SSBP2: variants seen among roughly 807,000 people sequenced by gnomAD.
The protein encoded by SSBP2 is single stranded DNA binding protein 2, also known as single-stranded DNA-binding protein 2.
In SSBP2, 17 loss-of-function variants were observed where a neutral mutation model predicts 61.8. The ratio of observed to expected loss-of-function variants is 0.28; its 90% CI spans 0.19 to 0.41. The LOEUF (loss-of-function observed/expected upper bound fraction) is 0.41. Among genes scored for constraint, SSBP2 ranks in the 10% least tolerant of loss-of-function variants. The probability of loss-of-function intolerance (pLI) is 1.00; values close to 1 mark genes in which losing one functional copy is unlikely to be tolerated. For synonymous variants in SSBP2, 139 were observed against 141.3 expected (o/e 0.98, Z 0.12); for missense variants, 310 against 458.7 (o/e 0.68, Z 2.96).
intron 1 of SSBP2, among the ~76,000 whole-genome samples, chr5:81,711,296 C>T (rs1465124187): frequency 2.6e-5 from 4 of 152,024 alleles, no homozygotes; most frequent in Admixed American, 6.6e-5. Context: ...TGATTCTGCT[C>T]AATAAGTTAT....
intron 1 of SSBP2, among the ~76,000 whole-genome samples, chr5:81,731,787 A>C (rs2153993012): frequency 6.6e-6 from 1 of 151,580 alleles, no homozygotes; most frequent in Admixed American, 6.6e-5. Flanking sequence ...TGATAAGATA[A>C]ACCCCAAACA....
At chr5:81,468,039 G>A (rs983824291) in intron 8 of SSBP2, among the ~76,000 whole-genome samples, 3 of 151,882 alleles carry the variant, frequency 2.0e-5, no homozygotes, top group African/African-American at 7.2e-5. Context: ...GAACTTCATA[G>A]GATTTGTTTC....
chr5:81,670,994 T>A (rs1751541348), intron 1 of SSBP2, among the ~76,000 whole-genome samples: 1 of 152,206 alleles, frequency 6.6e-6, no homozygotes, highest in African/African-American at 2.4e-5. Flanking sequence ...ATTCTGAGTT[T>A]TTCTCATTGC....
chr5:81,597,389 G>A (rs918068765), intron 4 of SSBP2, among the ~76,000 whole-genome samples: 13 of 152,194 alleles, frequency 8.5e-5, no homozygotes, highest in African/African-American at 1.4e-4. Context: ...GAGAAATAGG[G>A]ACACTTTTAC....
At chr5:81,692,507 C>T (rs1263653350) in intron 1 of SSBP2, among the ~76,000 whole-genome samples, 1 of 152,054 alleles carries the variant, frequency 6.6e-6, no homozygotes, top group African/African-American at 2.4e-5. Flanking sequence ...AGAGAACATT[C>T]CTAATATTTA....
intron 1 of SSBP2, among the ~76,000 whole-genome samples, chr5:81,732,275 G>GA (rs1312763873): frequency 1.3e-5 from 2 of 152,058 alleles, no homozygotes; most frequent in African/African-American, 2.4e-5. Flanking sequence ...GGTATTCCAT[G>GA]ATCTATAATA....
chr5:81,694,546 T>A (rs1753461058), intron 1 of SSBP2, among the ~76,000 whole-genome samples: 1 of 152,164 alleles, frequency 6.6e-6, no homozygotes, highest in South Asian at 2.1e-4. Context: ...AGAAGTTTTT[T>A]TTTTCTATCC....
At chr5:81,447,872 A>G (rs1374010742) in intron 11 of SSBP2, 1 of 152,218 alleles carries the variant, frequency 6.6e-6, no homozygotes, top group Non-Finnish European at 1.5e-5. Context: ...TATTTCATAG[A>G]AAATGCAAAG....
chr5:81,663,995 G>C (rs886402547), intron 1 of SSBP2, among the ~76,000 whole-genome samples: 1 of 152,154 alleles, frequency 6.6e-6, no homozygotes, highest in African/African-American at 2.4e-5. Flanking sequence ...AGGTAGAGAA[G>C]AGACAGTAAA....
Position 81,517,500 on chromosome 5 carries a change from T to C in SSBP2, c.283-3783A>G, listed in dbSNP as rs187410041. Among the ~76,000 whole-genome samples, 668 of 151,972 alleles carry C rather than the reference T, an allele frequency of 4.4e-3. 3 individuals are homozygous for C. The highest frequency in any genetic ancestry group is 6.9e-3 in the Non-Finnish European group (470 of 67,894). On this transcript the variant is annotated intron_variant, in intron 4 of 16. Transcript: ENST00000320672. ...TTTGGTGTTCTCAAATCAATTAAAG[T>C]ATGGAACAATTATTTGTTTTCTCAA...
chr5:81,695,834 T>G (rs1267863141), intron 1 of SSBP2, among the ~76,000 whole-genome samples: 1 of 152,142 alleles, frequency 6.6e-6, no homozygotes, highest in African/African-American at 2.4e-5. Context: ...AGGAATTTTA[T>G]TTTACATTGA....
At chr5:81,620,549 A>C (rs768670578) in intron 3 of SSBP2, among the ~76,000 whole-genome samples, 7,768 of 94,516 alleles carry the variant, frequency 0.082, 305 homozygotes, top group Middle Eastern at 0.1. Context: ...TTACAGATTC[A>C]ATGCCATCCC....
chr5:81,661,929 A>G (rs1451005682), intron 1 of SSBP2, among the ~76,000 whole-genome samples: 1 of 152,144 alleles, frequency 6.6e-6, no homozygotes, highest in Non-Finnish European at 1.5e-5. Context: ...CAATGTTGTG[A>G]AGCTTTTCAC....
chr5:81,676,383 G>A (rs1751983987), intron 1 of SSBP2, among the ~76,000 whole-genome samples: 1 of 152,002 alleles, frequency 6.6e-6, no homozygotes, highest in African/African-American at 2.4e-5. Flanking sequence ...CCCCATCATC[G>A]GTAGACCTTC....
intron 4 of SSBP2, among the ~76,000 whole-genome samples, chr5:81,566,238 G>A (rs1476533678): frequency 3.3e-5 from 5 of 152,204 alleles, no homozygotes; most frequent in Middle Eastern, 3.4e-3. Context: ...TATAAGGTTC[G>A]TGATATGGTT....
intron 6 of SSBP2, among the ~76,000 whole-genome samples, chr5:81,481,576 C>T (rs763712747): frequency 9.3e-5 from 14 of 150,076 alleles, no homozygotes; most frequent in African/African-American, 2.0e-4. Flanking sequence ...GCCGAGATTG[C>T]GCCACTGCTC....
chr5:81,640,375 A>G (rs573947664), intron 2 of SSBP2, among the ~76,000 whole-genome samples: 158 of 152,266 alleles, frequency 1.0e-3, no homozygotes, highest in Non-Finnish European at 1.8e-3. Flanking sequence ...ATAATGTAAT[A>G]GCCATTTTGA....
rs1458736137 is a variant in SSBP2, at chr5:81,414,015, G to A, written c.*6489C>T. 1 of 152,122 alleles carries A rather than the reference G, an allele frequency of 6.6e-6. No individual in the cohort carries two copies. The highest frequency in any genetic ancestry group is 2.4e-5 in the African/African-American group (1 of 41,440). 9.4% of individuals were successfully genotyped at this position (152,122 alleles called of 1,614,324 possible). ...TGGGATTAAGTGTTAATATTGACTA[G>A]GAGTAAGTCCTTTACATCATTTTTT... On this transcript the variant is annotated 3_prime_UTR_variant, in exon 17 of 17. Transcript: ENST00000320672.
chr5:81,700,180 A>T (rs939091580), intron 1 of SSBP2, among the ~76,000 whole-genome samples: 43 of 152,296 alleles, frequency 2.8e-4, no homozygotes, highest in African/African-American at 9.6e-4. Flanking sequence ...CCTGAAAGTC[A>T]AAATTACTGC....
Sources: allele counts gnomAD v4.1 joint callset (sites outside exome capture counted in the v4.1 genomes callset), GRCh38; gene constraint gnomAD v4.1.1; transcripts MANE v1.5; gene names NCBI Gene and HGNC (gene_info 2026-07-23, HGNC 2026-07-21).